The following CREBBP variants were observed in gnomAD, a reference collection of about 807,000 sequenced individuals.
The protein encoded by CREBBP is CREB binding lysine acetyltransferase.
In CREBBP, 19 loss-of-function variants were observed where a neutral mutation model predicts 265.0. The ratio of observed to expected loss-of-function variants is 0.07; its 90% CI spans 0.05 to 0.11. The LOEUF is 0.11. CREBBP is among the 10% of genes least tolerant of loss of function. CREBBP has a pLI of 1.00. For missense variants in CREBBP, 2,525 were observed against 3,219.0 expected (o/e 0.78, Z 5.22); for synonymous variants, 1,457 against 1,223.7 (o/e 1.19, Z -3.98).
chr16:3,880,603 G>A lies in CREBBP; in HGVS notation c.-687C>T, dbSNP rs2055514696. 6.8e-6 allele frequency: 1 copy of A among 147,426 alleles called. No individual in the cohort carries two copies. Among genetic ancestry groups the A allele is most frequent in the Non-Finnish European group, 1.5e-5 (1 of 66,338 alleles). The allele number at this position is 147,426 out of a possible 1,614,324, so 9.1% of individuals were successfully genotyped here. A position where few individuals can be genotyped will look rare whatever the true frequency, so the allele number is the denominator to read the frequency against. On this transcript the variant is annotated 5_prime_UTR_variant, in exon 1 of 31. Transcript: ENST00000262367. ...GCCGGGCGGAGCGGGCCGGCCGGGC[G>A]GAGCGGGGTGCGCGGGCGGTTGTGG...
intron 11 of CREBBP, among the ~76,000 whole-genome samples, chr16:3,775,868 C>T (rs1350297257): frequency 2.6e-5 from 4 of 152,144 alleles, no homozygotes; most frequent in South Asian, 2.1e-4. Flanking sequence ...ATCCCCAACA[C>T]AGCATCCAGC....
At chr16:3,730,440 C>A (rs749171228) in intron 30 of CREBBP, 1 of 159,790 alleles carries the variant, frequency 6.3e-6, no homozygotes, top group African/African-American at 2.4e-5. Flanking sequence ...ACTTCCCCAA[C>A]GCGCAAGCCC....
chr16:3,877,177 G>T (rs1020388732), intron 1 of CREBBP, among the ~76,000 whole-genome samples: 6 of 152,058 alleles, frequency 3.9e-5, no homozygotes, highest in Admixed American at 6.6e-5. Flanking sequence ...TGCTCCACTA[G>T]GCCCAATTTT....
At chr16:3,812,457 G>C (rs1385746262) in intron 2 of CREBBP, among the ~76,000 whole-genome samples, 5 of 152,044 alleles carry the variant, frequency 3.3e-5, no homozygotes, top group Non-Finnish European at 7.4e-5. Flanking sequence ...GGGATTACAG[G>C]TGTGAGCCAC....
At chr16:3,763,168 A>ATTT (rs111950815) in intron 16 of CREBBP, among the ~76,000 whole-genome samples, 3 of 141,422 alleles carry the variant, frequency 2.1e-5, no homozygotes, top group Admixed American at 7.1e-5. Context: ...ACTGAAACCA[A>ATTT]TTTTTTTTTT....
intron 2 of CREBBP, among the ~76,000 whole-genome samples, chr16:3,811,027 C>A (rs1479540120): frequency 6.6e-6 from 1 of 152,034 alleles, no homozygotes. Flanking sequence ...ACTCTCCTCA[C>A]TCAATCCCTC....
chr16:3,822,041 C>T (rs1339634888), intron 2 of CREBBP, among the ~76,000 whole-genome samples: 5 of 144,994 alleles, frequency 3.4e-5, no homozygotes, highest in African/African-American at 1.4e-4. Context: ...GGTAACACAG[C>T]AAGACTCTGT....
intron 16 of CREBBP, among the ~76,000 whole-genome samples, chr16:3,764,357 G>A (rs920910789): frequency 5.9e-5 from 9 of 152,056 alleles, no homozygotes; most frequent in Non-Finnish European, 1.2e-4. Flanking sequence ...GTTCACTACA[G>A]CCTCAACCTC....
At position 3,728,903 on chromosome 16, in the gene CREBBP, C is replaced by G. The variant is rs2151305861; in HGVS notation, c.6144G>C (p.Val2048=). 3 of 1,608,482 alleles carry G rather than the reference C, an allele frequency of 1.9e-6. No homozygotes were observed. The highest frequency in any genetic ancestry group is 2.5e-6 in the Non-Finnish European group (3 of 1,179,438). The change falls in exon 31 of 31, where the codon GTG becomes GTC. Residue 2048 remains valine (V), a synonymous_variant. Coordinates refer to ENST00000262367, the MANE Select transcript of CREBBP (RefSeq NM_004380.3). This position sits in a 1 kb window ranked among gnomAD's most constrained non-coding sequence, Gnocchi z 8.7. The stretch of plus-strand genomic sequence containing the variant: ...GCACGCTGGGCATCCGGGGCCCAGC[C>G]ACGGCCGCCTGGGCCTGCATGGATA... ...PVISMQAQAA[V]AGPRMPSVQP... is the part of the protein sequence containing the mutation.
chr16:3,836,359 A>G (rs565532089), intron 2 of CREBBP, among the ~76,000 whole-genome samples: 94 of 150,528 alleles, frequency 6.2e-4, no homozygotes, highest in African/African-American at 2.2e-3. Context: ...GCTTGAACCC[A>G]TGAGGTGGAG....
intron 3 of CREBBP, among the ~76,000 whole-genome samples, chr16:3,806,361 A>AAC (rs1194986693): frequency 6.6e-6 from 1 of 152,126 alleles, no homozygotes; most frequent in Non-Finnish European, 1.5e-5. Context: ...AACAAATCGT[A>AAC]ACATCACTCA....
rs1190207035 is a variant in CREBBP at position 3,729,223 on chromosome 16, C to A, written c.5824G>T (p.Val1942Leu). Residue 1942 changes from valine to leucine, a missense_variant, in exon 31 of 31, where the codon GTG becomes TTG. Transcript: ENST00000262367. ...TGGGCCGGGGGTGGGGGGGCCGGCACCTGGCTGGTAGGCTTCCCTGTGGAC... is the reference window on the plus strand; with the variant it reads ...TGGGCCGGGGGTGGGGGGGCCGGCAACTGGCTGGTAGGCTTCCCTGTGGAC... ...TVSTGKPTSQ[V>L]PAPPPPAQPP... 9 of 1,529,558 alleles carry A rather than the reference C, an allele frequency of 5.9e-6. No individual in the cohort carries two copies. In the South Asian group the frequency reaches 1.1e-4, roughly 18 times the overall value. 94.7% of individuals were successfully genotyped at this position (1,529,558 alleles called of 1,614,324 possible).
At chr16:3,816,788 T>G (rs1596996135) in intron 2 of CREBBP, among the ~76,000 whole-genome samples, 1 of 152,122 alleles carries the variant, frequency 6.6e-6, no homozygotes, top group African/African-American at 2.4e-5. Context: ...CCTGGAACAT[T>G]CTCTGCATCC....
chr16:3,741,821 AT>A (rs1263600837), intron 23 of CREBBP: 4 of 152,210 alleles, frequency 2.6e-5, no homozygotes, highest in Non-Finnish European at 2.9e-5. Context: ...CATGCCTGTA[AT>A]TCCAGCATTT....
chr16:3,734,779 C>T (rs1029906936), intron 28 of CREBBP, among the ~76,000 whole-genome samples: 1 of 152,140 alleles, frequency 6.6e-6, no homozygotes, highest in Non-Finnish European at 1.5e-5. Context: ...GCAGTGAGCA[C>T]GAGTGTGTGT....
chr16:3,769,458 A>G (rs1289967990), intron 14 of CREBBP, 105 bp from the exon 15 acceptor site: 3 of 1,393,102 alleles, frequency 2.2e-6, no homozygotes, highest in Admixed American at 1.8e-5. Context: ...ATTTCTCAAT[A>G]CTGATCCAGC....
intron 2 of CREBBP, among the ~76,000 whole-genome samples, chr16:3,819,751 T>A (rs1343212761): frequency 6.6e-6 from 1 of 152,180 alleles, no homozygotes; most frequent in African/African-American, 2.4e-5. Context: ...GGGTGTTTAT[T>A]TCAAACTTAA....
At chr16:3,870,161 C>T (rs755220578) in intron 1 of CREBBP, among the ~76,000 whole-genome samples, 20 of 151,988 alleles carry the variant, frequency 1.3e-4, no homozygotes, top group Non-Finnish European at 2.9e-4. Context: ...AAAAATCACA[C>T]CAAATCTAGG....
chr16:3,746,544 A>T (rs1001627689), intron 21 of CREBBP, among the ~76,000 whole-genome samples: 4 of 152,098 alleles, frequency 2.6e-5, no homozygotes, highest in Non-Finnish European at 5.9e-5. Flanking sequence ...CCCCAACGCT[A>T]AGAATTTCAA....
Sources: allele counts gnomAD v4.1 joint callset (sites outside exome capture counted in the v4.1 genomes callset), GRCh38; gene constraint gnomAD v4.1.1; non-coding constraint Gnocchi (gnomAD v3.1); transcripts MANE v1.5; gene names NCBI Gene and HGNC (gene_info 2026-07-23, HGNC 2026-07-21).